Variants in SPIRE1 observed in about 807,000 individuals in gnomAD.
SPIRE1 encodes the protein protein spire homolog 1.
Under a neutral mutation model 94.1 loss-of-function variants are expected in SPIRE1, and 40 were observed. The observed-to-expected ratio is 0.43, with a 90% CI of 0.33 to 0.55. SPIRE1 has a LOEUF of 0.55. Ranked by LOEUF, SPIRE1 falls within the 20% of genes least tolerant of loss-of-function variation. The pLI, the probability that SPIRE1 is intolerant of heterozygous loss-of-function variation, is 0.06. For missense variants in SPIRE1, 838 were observed against 975.2 expected (o/e 0.86, Z 1.87); for synonymous variants, 376 against 371.7 (o/e 1.01, Z -0.13).
At chr18:12,628,294 A>G (rs1360982460) in intron 2 of SPIRE1, among the ~76,000 whole-genome samples, 1 of 152,192 alleles carries the variant, frequency 6.6e-6, no homozygotes, top group Non-Finnish European at 1.5e-5. Context: ...AGTACCATGT[A>G]TTAAATAGGG....
chr18:12,652,873 A>G (rs1471166181), intron 1 of SPIRE1: 1 of 152,264 alleles, frequency 6.6e-6, no homozygotes, highest in Non-Finnish European at 1.5e-5. Flanking sequence ...AAAAGTCAGT[A>G]AAGCCTATGA....
intron 16 of SPIRE1, chr18:12,450,543 C>A (rs767863364): frequency 1.8e-6 from 1 of 555,604 alleles, no homozygotes; most frequent in South Asian, 2.6e-5. Context: ...AAGAGCCCAG[C>A]GGTCTCTGTC....
At chr18:12,548,132 TAC>T (rs1484458510) in intron 2 of SPIRE1, among the ~76,000 whole-genome samples, 1 of 152,198 alleles carries the variant, frequency 6.6e-6, no homozygotes, top group Non-Finnish European at 1.5e-5. Context: ...AAGTACCTGG[TAC>T]AATATCTGAC....
chr18:12,654,336 CAAAAAAAAAAA>C (rs199897679), intron 1 of SPIRE1, among the ~76,000 whole-genome samples: 105 of 98,960 alleles, frequency 1.1e-3, no homozygotes, highest in Non-Finnish European at 1.0e-3. Flanking sequence ...GACTCCACCT[CAAAAAAAAAAA>C]AAAAAAAAAA....
upstream of SPIRE1, chr18:12,658,718 C>T (rs756376935): frequency 5.0e-5 from 21 of 416,952 alleles, no homozygotes; most frequent in Non-Finnish European, 9.7e-5. Flanking sequence ...GGCCGCTCTG[C>T]GCGTTTTCCG....
chr18:12,453,042 T>A (rs778545279), intron 14 of SPIRE1, 26 bp downstream of exon 14: 1 of 1,448,644 alleles, frequency 6.9e-7, no homozygotes, highest in East Asian at 2.3e-5. Flanking sequence ...TAAATTTATC[T>A]TTTCATCAAT....
At position 12,469,673 on chromosome 18, in the gene SPIRE1, TTA is replaced by T. The variant is rs558732005; in HGVS notation, c.1405-4717_1405-4716del. Among the ~76,000 whole-genome samples, 771 of 144,096 alleles carry T rather than the reference TTA, an allele frequency of 5.4e-3. 4 individuals carry two copies. Among genetic ancestry groups the T allele is most frequent in the African/African-American group, 0.018 (733 of 39,716 alleles). The allele number at this position is 144,096 out of a possible 152,430, so 94.5% of individuals were successfully genotyped here. Reference sequence around the variant, plus strand: ...ATATTATTTACATATAATTTATATATTATATATAACATATATAATTTGTATAA... The same window carrying T: ...ATATTATTTACATATAATTTATATATTATATAACATATATAATTTGTATAA... On this transcript the variant is annotated intron_variant, in intron 10 of 16. Transcript: ENST00000409402.
intron 6 of SPIRE1, among the ~76,000 whole-genome samples, chr18:12,499,523 G>C (rs1477334007): frequency 6.8e-6 from 1 of 147,062 alleles, no homozygotes; most frequent in African/African-American, 2.5e-5. Context: ...AAAAAAAAAA[G>C]TCACTGGAAT....
At chr18:12,564,168 C>A (rs2035757855) in intron 2 of SPIRE1, among the ~76,000 whole-genome samples, 1 of 152,156 alleles carries the variant, frequency 6.6e-6, no homozygotes, top group African/African-American at 2.4e-5. Flanking sequence ...GGTCCCAGCT[C>A]TATCACATAC....
chr18:12,577,298 C>T (rs944310415), intron 2 of SPIRE1, among the ~76,000 whole-genome samples: 8 of 152,062 alleles, frequency 5.3e-5, no homozygotes, highest in African/African-American at 1.9e-4. Context: ...CAGGCGCCCG[C>T]CACCACGCCC....
At chr18:12,518,971 A>G (rs577981800) in intron 4 of SPIRE1, among the ~76,000 whole-genome samples, 1 of 152,326 alleles carries the variant, frequency 6.6e-6, no homozygotes, top group South Asian at 2.1e-4. Context: ...AGTTGTTCTG[A>G]TAACTGGAAG....
intron 1 of SPIRE1, among the ~76,000 whole-genome samples, chr18:12,639,796 C>T (rs2038034386): frequency 6.6e-6 from 1 of 151,006 alleles, no homozygotes; most frequent in South Asian, 2.1e-4. Flanking sequence ...ATGGCTTAAG[C>T]CCAGGAGGCA....
intron 1 of SPIRE1, among the ~76,000 whole-genome samples, chr18:12,657,268 G>T (rs978800356): frequency 3.4e-5 from 5 of 147,736 alleles, no homozygotes; most frequent in African/African-American, 1.2e-4. Context: ...CCCGCGGCCC[G>T]CAGGCCCAGG....
chr18:12,596,656 AT>A (rs567552263), intron 2 of SPIRE1, among the ~76,000 whole-genome samples: 1 of 152,120 alleles, frequency 6.6e-6, no homozygotes, highest in Non-Finnish European at 1.5e-5. Flanking sequence ...TGATTATGGC[AT>A]TGGATCTAAT....
chr18:12,555,129 C>T (rs1376690918), intron 2 of SPIRE1, among the ~76,000 whole-genome samples: 1 of 152,052 alleles, frequency 6.6e-6, no homozygotes, highest in African/African-American at 2.4e-5. Context: ...TTTAGTTGGC[C>T]ATGGAGATGA....
intron 2 of SPIRE1, among the ~76,000 whole-genome samples, chr18:12,549,090 C>T (rs957288186): frequency 6.6e-6 from 1 of 152,142 alleles, no homozygotes; most frequent in Non-Finnish European, 1.5e-5. Context: ...GCTCTCACAG[C>T]ATGTACCATT....
rs2032594572 is a variant in SPIRE1, at chr18:12,476,561, A to AG, written c.1404+3137_1404+3138insC. On this transcript the variant is annotated intron_variant, in intron 10 of 16. Transcript: ENST00000409402. ...GTCTCCAAAAAAAAAAAAAAAAAAA[A>AG]AAAATATATATATATATATATATAT... 5.4e-5 allele frequency among the ~76,000 whole-genome samples: 4 copies of AG among 74,166 alleles called. No homozygotes were observed. In the Admixed American group the frequency reaches 5.6e-4, roughly 10 times the overall value. The allele number at this position is 74,166 out of a possible 152,430, so 48.7% of individuals were successfully genotyped here. A position where few individuals can be genotyped will look rare whatever the true frequency, so the allele number is the denominator to read the frequency against.
chr18:12,579,016 G>A (rs1023779548), intron 2 of SPIRE1, among the ~76,000 whole-genome samples: 1 of 151,814 alleles, frequency 6.6e-6, no homozygotes, highest in African/African-American at 2.4e-5. Flanking sequence ...TTGCTTTGCA[G>A]AAACATTCAA....
intron 12 of SPIRE1, among the ~76,000 whole-genome samples, chr18:12,463,068 T>A (rs1439995777): frequency 6.6e-6 from 1 of 152,058 alleles, no homozygotes. Context: ...TGGCTAATTA[T>A]TATTATTTTT....
Sources: gnomAD v4.1 joint callset for allele counts (sites outside exome capture counted in the v4.1 genomes callset) on GRCh38, gnomAD v4.1.1 for gene constraint, MANE v1.5 for transcripts, NCBI Gene and HGNC (gene_info 2026-07-23, HGNC 2026-07-21) for gene names.